The following RNF216 variants were observed in gnomAD, a reference collection of about 807,000 sequenced individuals.
The protein encoded by RNF216 is E3 ubiquitin-protein ligase RNF216.
RNF216 carries 72 observed loss-of-function variants against 110.8 expected under a neutral mutation model. That is an observed-to-expected ratio of 0.65 (90% confidence interval 0.54 to 0.79). The LOEUF (loss-of-function observed/expected upper bound fraction) is 0.79, where lower values mean the gene tolerates loss of function less well. RNF216 is among the 30% of genes least tolerant of loss of function. The probability of loss-of-function intolerance (pLI) is 0.00; values close to 1 mark genes in which losing one functional copy is unlikely to be tolerated. For synonymous variants in RNF216, 495 were observed against 407.5 expected (o/e 1.21, Z -2.59); for missense variants, 1,342 against 1,141.2 (o/e 1.18, Z -2.54).
In RNF216 at chr7:5,736,893, C is replaced by T. The variant is rs866154329; in HGVS notation, c.1121+2383G>A. 6.0e-4 allele frequency among the ~76,000 whole-genome samples: 91 copies of T among 151,880 alleles called. 1 individual carries two copies. The highest frequency in any genetic ancestry group is 1.9e-3 in the African/African-American group (80 of 41,310). ...GAGCCCCTCCGCCCGGCAGCCGCCCCGTCCGGGAAGTGAGGAGCCCCTCCG... is the reference window on the plus strand; with the variant it reads ...GAGCCCCTCCGCCCGGCAGCCGCCCTGTCCGGGAAGTGAGGAGCCCCTCCG... On this transcript the variant is annotated intron_variant, in intron 5 of 16. Coordinates refer to ENST00000389902, the MANE Select transcript of RNF216 (RefSeq NM_207111.4).
chr7:5,679,759 T>G (rs911976518), intron 13 of RNF216, among the ~76,000 whole-genome samples: 2 of 152,148 alleles, frequency 1.3e-5, no homozygotes, highest in African/African-American at 4.8e-5. Context: ...AGAGCGTATC[T>G]GTGTGAGTGC....
At position 5,730,866 on chromosome 7, in the gene RNF216, C is replaced by G. The variant is rs762610415; in HGVS notation, c.1122-49G>C. The G allele has an allele frequency of 2.5e-6, 4 of 1,576,140 alleles. No homozygotes were observed. In the South Asian group the frequency reaches 3.4e-5, roughly 13 times the overall value. ...TTCATACTGCTTCCAAATCCCACAC[C>G]TGCCCATTGCTTCAAATGCAATGGT... On this transcript the variant is annotated intron_variant, in intron 5 of 16. Coordinates refer to ENST00000389902, the MANE Select transcript of RNF216 (RefSeq NM_207111.4).
intron 2 of RNF216, among the ~76,000 whole-genome samples, chr7:5,754,439 A>G (rs1198855480): frequency 6.6e-6 from 1 of 151,966 alleles, no homozygotes; most frequent in African/African-American, 2.4e-5. Context: ...CACTGGGATG[A>G]CAGGCATGAG....
rs558988997 is a variant in RNF216, at chr7:5,720,681, C to A, written c.1644+352G>T. On this transcript the variant is annotated intron_variant, in intron 9 of 16. Transcript: ENST00000389902. Reference sequence around the variant, plus strand: ...TCTCTGGGTCACACTTTGAGAGCCACTGGTTTAGAAGATACTTATTAAACA... The same window carrying A: ...TCTCTGGGTCACACTTTGAGAGCCAATGGTTTAGAAGATACTTATTAAACA... Among the ~76,000 whole-genome samples the A allele has an allele frequency of 3.9e-5, 6 of 152,194 alleles. No homozygotes were observed. In the South Asian group the frequency reaches 1.2e-3, roughly 32 times the overall value.
At chr7:5,725,541 C>T in intron 7 of RNF216, 103 bp from the exon 8 acceptor site, 1 of 705,930 alleles carries the variant, frequency 1.4e-6, no homozygotes, top group Non-Finnish European at 2.5e-6. Context: ...CAGCTGTCTA[C>T]CCAGCATGGC....
intron 13 of RNF216, chr7:5,662,471 T>C (rs1411234083): frequency 6.6e-6 from 1 of 152,164 alleles, no homozygotes; most frequent in African/African-American, 2.4e-5. Context: ...GCATTAAGAT[T>C]TGGTAATGGC....
intron 15 of RNF216, among the ~76,000 whole-genome samples, chr7:5,639,748 C>T (rs1787617367): frequency 6.6e-6 from 1 of 151,828 alleles, no homozygotes; most frequent in African/African-American, 2.4e-5. Flanking sequence ...GCATGTGACA[C>T]CGTGCCTAGC....
intron 5 of RNF216, among the ~76,000 whole-genome samples, chr7:5,736,149 A>C (rs11982258): frequency 1.1e-4 from 16 of 152,162 alleles, no homozygotes; most frequent in Admixed American, 1.0e-3. Flanking sequence ...CTCTCCCCAC[A>C]GTCTCCCTCT....
intron 1 of RNF216, among the ~76,000 whole-genome samples, chr7:5,772,440 T>G (rs545064225): frequency 6.6e-6 from 1 of 152,252 alleles, no homozygotes; most frequent in Admixed American, 6.5e-5. Flanking sequence ...TGCTTCTTGC[T>G]GTGTCACCCA....
At chr7:5,776,948 A>G (rs200117198) in intron 1 of RNF216, among the ~76,000 whole-genome samples, 2 of 147,648 alleles carry the variant, frequency 1.4e-5, no homozygotes. Flanking sequence ...GAGAGAGAAA[A>G]AAAGAAAGAA....
At chr7:5,694,714 G>T (rs1791522645) in intron 13 of RNF216, among the ~76,000 whole-genome samples, 2 of 152,174 alleles carry the variant, frequency 1.3e-5, no homozygotes, top group Admixed American at 6.5e-5. Flanking sequence ...TCAGCCTATG[G>T]AAAGTACATT....
At chr7:5,712,976 G>T in intron 11 of RNF216, 113 bp from the exon 12 acceptor site, 1 of 953,176 alleles carries the variant, frequency 1.0e-6, no homozygotes, top group Non-Finnish European at 1.5e-6. Flanking sequence ...GGATCTCTCT[G>T]CCTGTTCATC....
intron 14 of RNF216, among the ~76,000 whole-genome samples, chr7:5,644,935 C>T (rs1346007601): frequency 6.6e-6 from 1 of 151,766 alleles, no homozygotes; most frequent in African/African-American, 2.4e-5. Context: ...AGAGATTCTC[C>T]AGCCTTAGCC....
intron 14 of RNF216, among the ~76,000 whole-genome samples, chr7:5,646,603 G>T (rs1011266378): frequency 6.6e-6 from 1 of 151,476 alleles, no homozygotes; most frequent in African/African-American, 2.4e-5. Context: ...TGAGGCAGGA[G>T]AATCGCTTGA....
intron 13 of RNF216, among the ~76,000 whole-genome samples, chr7:5,709,921 A>G (rs550702120): frequency 6.6e-6 from 1 of 152,204 alleles, no homozygotes; most frequent in African/African-American, 2.4e-5. Flanking sequence ...TGCCTAGCTG[A>G]GTTTTAAAAT....
chr7:5,754,854 C>T (rs1795534610), intron 2 of RNF216, among the ~76,000 whole-genome samples: 1 of 152,036 alleles, frequency 6.6e-6, no homozygotes, highest in Non-Finnish European at 1.5e-5. Flanking sequence ...ATGGTAAAAC[C>T]CCATCTCTAC....
At chr7:5,746,677 C>A (rs1200095577) in intron 3 of RNF216, among the ~76,000 whole-genome samples, 1 of 152,140 alleles carries the variant, frequency 6.6e-6, no homozygotes, top group Admixed American at 6.6e-5. Flanking sequence ...AAAACAGCAT[C>A]CCTAATTTCT....
intron 15 of RNF216, among the ~76,000 whole-genome samples, chr7:5,640,285 T>A (rs1274701904): frequency 6.6e-6 from 1 of 152,190 alleles, no homozygotes; most frequent in East Asian, 1.9e-4. Context: ...CTGGCCTTGA[T>A]GTAATGCAAG....
rs1786406359 is a variant in RNF216 at position 5,622,141 on chromosome 7, A to G, written c.*719T>C. ...GAGGCTCTTTCAATGGGCCAGCTTCAGAACCATCCAGTGTACCGCAGCGGC... is the reference window on the plus strand; with the variant it reads ...GAGGCTCTTTCAATGGGCCAGCTTCGGAACCATCCAGTGTACCGCAGCGGC... On this transcript the variant is annotated 3_prime_UTR_variant, in exon 17 of 17. Coordinates refer to ENST00000389902, the MANE Select transcript of RNF216 (RefSeq NM_207111.4). 1 of 152,330 alleles carries G rather than the reference A, an allele frequency of 6.6e-6. No individual in the cohort carries two copies. The highest frequency in any genetic ancestry group is 2.4e-5 in the African/African-American group (1 of 41,476). The allele number at this position is 152,330 out of a possible 1,614,324, so 9.4% of individuals were successfully genotyped here. A position where few individuals can be genotyped will look rare whatever the true frequency, so the allele number is the denominator to read the frequency against.
Sources: gnomAD v4.1 joint callset for allele counts (sites outside exome capture counted in the v4.1 genomes callset) on GRCh38, gnomAD v4.1.1 for gene constraint, MANE v1.5 for transcripts, NCBI Gene and HGNC (gene_info 2026-07-23, HGNC 2026-07-21) for gene names.